Variants in CALN1 observed in about 807,000 individuals in gnomAD.
CALN1 encodes calneuron 1.
Under a neutral mutation model 30.6 loss-of-function variants are expected in CALN1, and 17 were observed. The ratio of observed to expected loss-of-function variants is 0.56; its 90% CI spans 0.38 to 0.83. The LOEUF (loss-of-function observed/expected upper bound fraction) is 0.83. CALN1 is among the 40% of genes least tolerant of loss of function. CALN1 has a pLI of 0.00. For synonymous variants in CALN1, 156 were observed against 131.4 expected, an observed-to-expected ratio of 1.19 and a Z score of -1.28; for missense variants, 291 against 354.9, an observed-to-expected ratio of 0.82 and a Z score of 1.45.
At chr7:72,397,733 C>CACACACACACAA (rs1554400030) in intron 2 of CALN1, among the ~76,000 whole-genome samples, 1 of 151,566 alleles carries the variant, frequency 6.6e-6, no homozygotes, top group Non-Finnish European at 1.5e-5. Context: ...CACACACACA[C>CACACACACACAA]ACACACACAC....
chr7:72,313,698 G>C (rs1304611345), intron 2 of CALN1, among the ~76,000 whole-genome samples: 1 of 121,810 alleles, frequency 8.2e-6, no homozygotes. Flanking sequence ...TGCCCAGCCT[G>C]GATTAAAAAA....
intron 2 of CALN1, among the ~76,000 whole-genome samples, chr7:72,374,584 AC>A (rs1206055895): frequency 4.0e-5 from 6 of 151,878 alleles, no homozygotes; most frequent in African/African-American, 1.4e-4. Flanking sequence ...AACTAGAAAT[AC>A]AAAGGCACTT....
chr7:72,044,599 C>CTTTTTTTTTTTTTTTT (rs549079139), intron 4 of CALN1, among the ~76,000 whole-genome samples: 3 of 96,684 alleles, frequency 3.1e-5, no homozygotes, highest in African/African-American at 1.2e-4. Flanking sequence ...CCGCTTAAAA[C>CTTTTTTTTTTTTTTTT]TTTTTTTTTT....
chr7:72,344,819 AAAT>A, intron 2 of CALN1, among the ~76,000 whole-genome samples: 1 of 147,704 alleles, frequency 6.8e-6, no homozygotes, highest in Non-Finnish European at 1.5e-5. Context: ...AATCCAGGTT[AAAT>A]ATTATACATT....
chr7:71,980,974 A>C (rs1381935972), intron 5 of CALN1, among the ~76,000 whole-genome samples: 1 of 152,064 alleles, frequency 6.6e-6, no homozygotes, highest in East Asian at 1.9e-4. Flanking sequence ...CATGGAGCTG[A>C]TCTTAAGAAG....
At chr7:71,991,786 T>C (rs1024337543) in intron 5 of CALN1, among the ~76,000 whole-genome samples, 12 of 152,346 alleles carry the variant, frequency 7.9e-5, no homozygotes, top group African/African-American at 2.6e-4. Flanking sequence ...ATTTGTGGTA[T>C]GGCCAGAAGC....
chr7:71,793,321 A>T (rs189339248), intron 6 of CALN1, among the ~76,000 whole-genome samples: 1 of 149,390 alleles, frequency 6.7e-6, no homozygotes, highest in Non-Finnish European at 1.5e-5. Flanking sequence ...CAAAACAAAA[A>T]AAAAGCACAG....
chr7:71,981,849 A>T (rs935643197), intron 5 of CALN1, among the ~76,000 whole-genome samples: 3 of 152,094 alleles, frequency 2.0e-5, no homozygotes, highest in African/African-American at 7.2e-5. Flanking sequence ...ACCCCTGCGC[A>T]TCTGGTCACA....
chr7:72,072,940 C>A (rs558560059), intron 4 of CALN1, among the ~76,000 whole-genome samples: 5 of 152,114 alleles, frequency 3.3e-5, no homozygotes, highest in African/African-American at 1.2e-4. Flanking sequence ...TTAAATATTT[C>A]ACTACAAAAA....
chr7:72,298,832 C>G (rs530530062), intron 2 of CALN1, among the ~76,000 whole-genome samples: 107 of 150,254 alleles, frequency 7.1e-4, no homozygotes, highest in Non-Finnish European at 1.4e-3. Flanking sequence ...GGGAGGGGTG[C>G]GGAGTTTCCC....
intron 2 of CALN1, among the ~76,000 whole-genome samples, chr7:72,372,502 C>T (rs984827059): frequency 3.2e-4 from 48 of 152,256 alleles, no homozygotes; most frequent in African/African-American, 1.1e-3. Context: ...GAAAAGTTTG[C>T]TAAAGTAACT....
chr7:71,981,960 A>G (rs1380433812), intron 5 of CALN1, among the ~76,000 whole-genome samples: 2 of 152,172 alleles, frequency 1.3e-5, no homozygotes, highest in African/African-American at 4.8e-5. Flanking sequence ...TTTTCCTGCA[A>G]TGGGAAACAC....
intron 5 of CALN1, among the ~76,000 whole-genome samples, chr7:71,924,197 A>C (rs1421063815): frequency 6.8e-6 from 1 of 147,726 alleles, no homozygotes; most frequent in Non-Finnish European, 1.5e-5. Context: ...CAGTCTCAAA[A>C]AAAAAAAAAA....
chr7:71,827,771 T>TAAAAAAAAAAAAAAAAAAAAAAA (rs1554347602), intron 5 of CALN1, among the ~76,000 whole-genome samples: 2 of 96,842 alleles, frequency 2.1e-5, no homozygotes, highest in African/African-American at 6.7e-5. Flanking sequence ...GACTCCATCT[T>TAAAAAAAAAAAAAAAAAAAAAAA]AAAAAAATAA....
intron 4 of CALN1, among the ~76,000 whole-genome samples, chr7:72,049,384 G>A (rs1196803472): frequency 6.6e-6 from 1 of 152,158 alleles, no homozygotes; most frequent in Admixed American, 6.5e-5. Context: ...CTAAGAAAGG[G>A]AAGACTTTCA....
chr7:71,827,207 T>G (rs914519679), intron 5 of CALN1, among the ~76,000 whole-genome samples: 2 of 152,134 alleles, frequency 1.3e-5, no homozygotes, highest in African/African-American at 4.8e-5. Context: ...GTCTGGGAGC[T>G]AAGCCCATTG....
At position 72,337,065 on chromosome 7, in the gene CALN1, C is replaced by T. The variant is rs1802111926; in HGVS notation, c.120-58255G>A. 5 of 985,694 alleles carry T rather than the reference C, an allele frequency of 5.1e-6. No homozygotes were observed. The South Asian group carries it at 1.9e-4, about 37-fold the overall frequency. 61.1% of individuals were successfully genotyped at this position (985,694 alleles called of 1,614,324 possible). On this transcript the variant is annotated intron_variant, in intron 2 of 6. Transcript: ENST00000395275. ...CGCGCTCCTCTACCCCTCCCGCTCC[C>T]GCTGGCCGCGCGGGTTCAGCCCATG...
chr7:72,390,081 G>A (rs2129561335), intron 2 of CALN1, among the ~76,000 whole-genome samples: 1 of 152,148 alleles, frequency 6.6e-6, no homozygotes, highest in East Asian at 1.9e-4. Flanking sequence ...GGCTAAGGAG[G>A]GGTAGGACCT....
At chr7:71,908,536 A>T (rs952792062) in intron 5 of CALN1, among the ~76,000 whole-genome samples, 6 of 152,164 alleles carry the variant, frequency 3.9e-5, no homozygotes, top group African/African-American at 1.4e-4. Flanking sequence ...TCCTTTCTTT[A>T]ATTTCCAAAG....
Sources: gnomAD v4.1 joint callset for allele counts (sites outside exome capture counted in the v4.1 genomes callset) on GRCh38, gnomAD v4.1.1 for gene constraint, MANE v1.5 for transcripts, NCBI Gene and HGNC (gene_info 2026-07-23, HGNC 2026-07-21) for gene names.